The following R3HDM2 variants were observed in gnomAD, a reference collection of about 807,000 sequenced individuals.
R3HDM2 encodes the protein R3H domain-containing protein 2.
In R3HDM2, 38 loss-of-function variants were observed where a neutral mutation model predicts 124.5. The ratio of observed to expected loss-of-function variants is 0.31; its 90% CI spans 0.24 to 0.40. The LOEUF (loss-of-function observed/expected upper bound fraction) is 0.40, where lower values mean the gene tolerates loss of function less well. Ranked by LOEUF, R3HDM2 falls within the 10% of genes least tolerant of loss-of-function variation. The probability of loss-of-function intolerance (pLI) is 1.00; values close to 1 mark genes in which losing one functional copy is unlikely to be tolerated. For missense variants in R3HDM2, 869 were observed against 1,236.9 expected, an observed-to-expected ratio of 0.70 and a Z score of 4.46; for synonymous variants, 391 against 448.0, an observed-to-expected ratio of 0.87 and a Z score of 1.61.
At position 57,421,450 on chromosome 12, in the gene R3HDM2, C is replaced by CT. The variant is rs71084752; in HGVS notation, c.-106+9269dup. Among the ~76,000 whole-genome samples, 957 of 111,024 alleles carry CT rather than the reference C, an allele frequency of 8.6e-3. 6 individuals are homozygous for CT. Among genetic ancestry groups the CT allele is most frequent in the African/African-American group, 0.024 (705 of 29,362 alleles). The allele number at this position is 111,024 out of a possible 152,430, so 72.8% of individuals were successfully genotyped here. A position where few individuals can be genotyped will look rare whatever the true frequency, so the allele number is the denominator to read the frequency against. On this transcript the variant is annotated intron_variant, in intron 1 of 23. Transcript: ENST00000402412. ...CAGGCGTAAGCGACCACACCCAGCT[C>CT]TTTTTTTTTTTTTTTTTTTTTTAAA...
At chr12:57,275,356 T>G (rs974448682) in intron 14 of R3HDM2, among the ~76,000 whole-genome samples, 1 of 151,198 alleles carries the variant, frequency 6.6e-6, no homozygotes, top group Admixed American at 6.6e-5. Context: ...GACCTGAAAT[T>G]AAAAATTCTA....
chr12:57,416,576 G>A (rs1007348745), intron 1 of R3HDM2, among the ~76,000 whole-genome samples: 6 of 152,214 alleles, frequency 3.9e-5, no homozygotes, highest in African/African-American at 1.4e-4. Context: ...CTGGGAGGAT[G>A]AGAAGGGCTG....
At chr12:57,303,136 C>T in intron 4 of R3HDM2, 40 bp downstream of exon 4, 2 of 1,453,512 alleles carry the variant, frequency 1.4e-6, no homozygotes, top group Admixed American at 2.0e-5. Context: ...AAATGTATTA[C>T]TAATAACATT....
At chr12:57,257,071 G>A (rs948523445) in intron 21 of R3HDM2, among the ~76,000 whole-genome samples, 2 of 151,946 alleles carry the variant, frequency 1.3e-5, no homozygotes, top group Admixed American at 6.6e-5. Flanking sequence ...CGCCTGCCCC[G>A]GGCTCCCAAA....
intron 2 of R3HDM2, among the ~76,000 whole-genome samples, chr12:57,365,945 A>AC (rs2137760742): frequency 6.6e-6 from 1 of 151,760 alleles, no homozygotes; most frequent in African/African-American, 2.4e-5. Context: ...CAAAAAAAAA[A>AC]ACAAAATATA....
intron 12 of R3HDM2, among the ~76,000 whole-genome samples, chr12:57,287,236 A>G (rs1334549158): frequency 6.6e-6 from 1 of 152,200 alleles, no homozygotes; most frequent in Non-Finnish European, 1.5e-5. Context: ...GAATCAGATA[A>G]AGTATACTCT....
chr12:57,369,491 G>T (rs757063574), intron 2 of R3HDM2, among the ~76,000 whole-genome samples: 1 of 152,258 alleles, frequency 6.6e-6, no homozygotes, highest in African/African-American at 2.4e-5. Context: ...GTTATGCAGC[G>T]AAAACTTGGA....
At chr12:57,295,270 C>G (rs1041951846) in intron 10 of R3HDM2, 129 bp downstream of exon 10, 1 of 668,408 alleles carries the variant, frequency 1.5e-6, no homozygotes, top group South Asian at 1.8e-5. Context: ...AAGCCAACTC[C>G]GTATAGCTCA....
At chr12:57,351,596 A>C (rs2137255374) in intron 2 of R3HDM2, among the ~76,000 whole-genome samples, 1 of 152,298 alleles carries the variant, frequency 6.6e-6, no homozygotes, top group East Asian at 1.9e-4. Flanking sequence ...AAAGCACAAA[A>C]ACTAACAATA....
At chr12:57,397,317 T>C (rs182529304) in intron 1 of R3HDM2, among the ~76,000 whole-genome samples, 10 of 152,250 alleles carry the variant, frequency 6.6e-5, no homozygotes, top group Admixed American at 2.0e-4. Flanking sequence ...GAGGCCACCA[T>C]TGGAACCCTT....
chr12:57,371,711 TATC>T (rs1239585429), intron 2 of R3HDM2, among the ~76,000 whole-genome samples: 1 of 152,114 alleles, frequency 6.6e-6, no homozygotes, highest in Non-Finnish European at 1.5e-5. Flanking sequence ...AAAAAGTAAA[TATC>T]ATCAGAAAAG....
At chr12:57,323,223 ACAGTATAACTG>A (rs1307513746) in intron 2 of R3HDM2, among the ~76,000 whole-genome samples, 1 of 152,166 alleles carries the variant, frequency 6.6e-6, no homozygotes, top group Non-Finnish European at 1.5e-5. Flanking sequence ...AAAAACAAAA[ACAGTATAACTG>A]CGTGCCTGAA....
intron 2 of R3HDM2, among the ~76,000 whole-genome samples, chr12:57,360,342 G>A (rs1423215115): frequency 1.3e-5 from 2 of 151,688 alleles, no homozygotes; most frequent in Admixed American, 6.6e-5. Context: ...TAAATACATT[G>A]GGAATTTTTT....
intron 2 of R3HDM2, among the ~76,000 whole-genome samples, chr12:57,374,868 C>T (rs1193776687): frequency 3.5e-5 from 5 of 144,626 alleles, no homozygotes; most frequent in South Asian, 2.2e-4. Flanking sequence ...TGGTGGCGGG[C>T]GCCTGTAGTC....
intron 3 of R3HDM2, 109 bp from the exon 4 acceptor site, chr12:57,303,326 C>T: frequency 1.0e-6 from 1 of 979,946 alleles, no homozygotes; most frequent in Non-Finnish European, 1.6e-6. Flanking sequence ...ACCATTACAA[C>T]AGCCAAACTA....
At chr12:57,404,625 A>C (rs1198452148) in intron 1 of R3HDM2, among the ~76,000 whole-genome samples, 2 of 152,144 alleles carry the variant, frequency 1.3e-5, no homozygotes, top group East Asian at 3.9e-4. Context: ...ACTTGAACCC[A>C]GGAGGTGGAG....
chr12:57,364,693 G>C (rs1028232536), intron 2 of R3HDM2, among the ~76,000 whole-genome samples: 1 of 151,822 alleles, frequency 6.6e-6, no homozygotes, highest in Non-Finnish European at 1.5e-5. Flanking sequence ...AGTGGCTCAC[G>C]CCTGTAATCC....
At position 57,427,160 on chromosome 12, in the gene R3HDM2, G is replaced by A. The variant is rs190016451; in HGVS notation, c.-106+3560C>T. 3.8e-3 allele frequency among the ~76,000 whole-genome samples: 577 copies of A among 151,768 alleles called. 2 individuals are homozygous for A. The highest frequency in any genetic ancestry group is 0.012 in the South Asian group (56 of 4,812). ...ACAAAAATTAGTTGGACGTGGTGGC[G>A]CGTGCCTGTAATCCTAGCTACTCAG... On this transcript the variant is annotated intron_variant, in intron 1 of 23. Coordinates refer to ENST00000402412, the MANE Select transcript of R3HDM2 (RefSeq NM_001394031.1).
intron 7 of R3HDM2, 120 bp downstream of exon 7, chr12:57,297,970 G>A (rs2050246377): frequency 2.7e-6 from 2 of 729,206 alleles, no homozygotes; most frequent in Non-Finnish European, 5.0e-6. Flanking sequence ...CAAATACTAG[G>A]GGGACAGGAA....
Sources: gnomAD v4.1 joint callset for allele counts (sites outside exome capture counted in the v4.1 genomes callset) on GRCh38, gnomAD v4.1.1 for gene constraint, MANE v1.5 for transcripts, NCBI Gene and HGNC (gene_info 2026-07-23, HGNC 2026-07-21) for gene names.